GSK3B: variants seen among roughly 807,000 people sequenced by gnomAD.
GSK3B encodes the protein glycogen synthase kinase 3 beta.
GSK3B carries 15 observed loss-of-function variants against 56.4 expected under a neutral mutation model. That is an observed-to-expected ratio of 0.27 (90% CI 0.18 to 0.41). GSK3B has a LOEUF of 0.41. GSK3B is among the 10% of genes least tolerant of loss of function. The pLI, the probability that GSK3B is intolerant of heterozygous loss-of-function variation, is 1.00. For synonymous variants in GSK3B, 181 were observed against 188.9 expected (o/e 0.96, Z 0.34); for missense variants, 300 against 513.4 (o/e 0.58, Z 4.02).
intron 1 of GSK3B, among the ~76,000 whole-genome samples, chr3:120,048,655 TTACTGCTGC>T (rs1281842055): frequency 3.9e-5 from 6 of 152,292 alleles, no homozygotes; most frequent in South Asian, 2.1e-4. Context: ...TAGGTGTTTA[TTACTGCTGC>T]TACTGCTGCT....
intron 1 of GSK3B, among the ~76,000 whole-genome samples, chr3:120,085,231 A>C (rs1218486979): frequency 6.6e-6 from 1 of 152,252 alleles, no homozygotes; most frequent in East Asian, 1.9e-4. Flanking sequence ...TATTATGAGA[A>C]TATGATATAC....
chr3:120,010,161 C>A (rs2057765477), intron 1 of GSK3B, among the ~76,000 whole-genome samples: 1 of 152,152 alleles, frequency 6.6e-6, no homozygotes, highest in South Asian at 2.1e-4. Flanking sequence ...TTCAAACTCT[C>A]CCTTCAAGTC....
chr3:119,938,177 G>C (rs2107482067), intron 3 of GSK3B, among the ~76,000 whole-genome samples: 1 of 152,096 alleles, frequency 6.6e-6, no homozygotes, highest in South Asian at 2.1e-4. Flanking sequence ...GATTTCAGTG[G>C]TAACTTCTGC....
In GSK3B at chr3:119,933,993, C is replaced by T. The variant is rs189325410; in HGVS notation, c.367-10510G>A. 1.3e-4 allele frequency among the ~76,000 whole-genome samples: 20 copies of T among 152,216 alleles called. No individual in the cohort carries two copies. The East Asian group carries it at 3.7e-3, about 28-fold the overall frequency. On this transcript the variant is annotated intron_variant, in intron 3 of 10. Transcript: ENST00000264235. The stretch of plus-strand genomic sequence containing the variant: ...CAATGTGGCCAATAAAATAAATATC[C>T]ACAAATCCACACTGATAGAAATAAA...
chr3:119,984,244 A>G (rs2057492635), intron 2 of GSK3B, among the ~76,000 whole-genome samples: 1 of 152,218 alleles, frequency 6.6e-6, no homozygotes, highest in Non-Finnish European at 1.5e-5. Context: ...AATGGCCACA[A>G]GATAAAGCAG....
At chr3:119,874,344 AGGC>A (rs2056282792) in intron 8 of GSK3B, among the ~76,000 whole-genome samples, 1 of 152,154 alleles carries the variant, frequency 6.6e-6, no homozygotes, top group Non-Finnish European at 1.5e-5. Flanking sequence ...TTCATAAATT[AGGC>A]ACAGTAAGAG....
intron 1 of GSK3B, among the ~76,000 whole-genome samples, chr3:120,013,325 C>CAA (rs1219198136): frequency 6.6e-6 from 1 of 152,168 alleles, no homozygotes; most frequent in African/African-American, 2.4e-5. Context: ...TTAACAAAGG[C>CAA]ATTTAATTTG....
intron 1 of GSK3B, among the ~76,000 whole-genome samples, chr3:120,064,696 A>G (rs1329218389): frequency 2.0e-5 from 3 of 152,186 alleles, no homozygotes; most frequent in Admixed American, 2.0e-4. Context: ...GACCCTGAAT[A>G]CCTAAAGCAA....
chr3:119,995,671 G>T (rs946619503), intron 2 of GSK3B, among the ~76,000 whole-genome samples: 10 of 151,392 alleles, frequency 6.6e-5, no homozygotes, highest in Admixed American at 4.6e-4. Context: ...TGATCCACCC[G>T]CCTCGGCCTC....
intron 1 of GSK3B, among the ~76,000 whole-genome samples, chr3:120,005,198 G>C (rs1484242111): frequency 1.3e-5 from 2 of 151,796 alleles, no homozygotes; most frequent in Non-Finnish European, 2.9e-5. Flanking sequence ...TCAAATTAAT[G>C]AAATAAAGCG....
chr3:120,078,306 C>T (rs1472283625), intron 1 of GSK3B, among the ~76,000 whole-genome samples: 1 of 152,050 alleles, frequency 6.6e-6, no homozygotes, highest in Non-Finnish European at 1.5e-5. Flanking sequence ...TTTCCTACTC[C>T]TAAATAAATA....
At chr3:119,917,373 A>G (rs1424812854) in intron 4 of GSK3B, among the ~76,000 whole-genome samples, 2 of 152,184 alleles carry the variant, frequency 1.3e-5, no homozygotes, top group African/African-American at 4.8e-5. Flanking sequence ...AACTGTACAG[A>G]TAAGATCTTT....
chr3:120,008,330 A>C (rs1000454743), intron 1 of GSK3B, among the ~76,000 whole-genome samples: 3 of 151,538 alleles, frequency 2.0e-5, no homozygotes, highest in Admixed American at 2.0e-4. Flanking sequence ...GCTACCACTG[A>C]CTTTCTTCAC....
intron 9 of GSK3B, among the ~76,000 whole-genome samples, chr3:119,858,068 G>A (rs2056045384): frequency 6.6e-6 from 1 of 152,180 alleles, no homozygotes; most frequent in African/African-American, 2.4e-5. Flanking sequence ...CTGTCATGCA[G>A]ACTTTTTTGT....
chr3:120,081,796 T>C (rs1253817573), intron 1 of GSK3B, among the ~76,000 whole-genome samples: 1 of 152,164 alleles, frequency 6.6e-6, no homozygotes, highest in East Asian at 1.9e-4. Context: ...TATGATCTCC[T>C]ACGGAGAAAC....
chr3:120,036,364 T>C (rs765613208), intron 1 of GSK3B, among the ~76,000 whole-genome samples: 9 of 152,224 alleles, frequency 5.9e-5, no homozygotes, highest in Non-Finnish European at 1.2e-4. Context: ...TAAGAATATT[T>C]ATGTTGTTAA....
chr3:119,825,227 T>C lies in GSK3B; in HGVS notation c.*1561A>G, dbSNP rs1311369811. ...GGTGACTAAAGTTCATTTTAGAGTA[T>C]ATAAGGCCCACATAGATGCCAACCT... On this transcript the variant is annotated 3_prime_UTR_variant, in exon 11 of 11. Transcript: ENST00000264235. 1 of 227,464 alleles carries C rather than the reference T, an allele frequency of 4.4e-6. No individual in the cohort carries two copies. Among genetic ancestry groups the C allele is most frequent in the Non-Finnish European group, 8.7e-6 (1 of 114,512 alleles). 14.1% of individuals were successfully genotyped at this position (227,464 alleles called of 1,614,324 possible).
At position 119,922,407 on chromosome 3, in the gene GSK3B, G is replaced by T. The variant is rs144916394; in HGVS notation, c.477+966C>A. ...ATATAAATATGTAATATACACTATAGTATATATAGTTTATATATTATATAT... is the reference window on the plus strand; with the variant it reads ...ATATAAATATGTAATATACACTATATTATATATAGTTTATATATTATATAT... On this transcript the variant is annotated intron_variant, in intron 4 of 10. Coordinates refer to ENST00000264235, the MANE Select transcript of GSK3B (RefSeq NM_001146156.2). Among the ~76,000 whole-genome samples the T allele has an allele frequency of 5.0e-3, 734 of 147,040 alleles. 3 individuals are homozygous for T. Among genetic ancestry groups the T allele is most frequent in the African/African-American group, 0.017 (689 of 40,392 alleles).
chr3:120,040,061 G>A (rs576865326), intron 1 of GSK3B, among the ~76,000 whole-genome samples: 18 of 152,316 alleles, frequency 1.2e-4, no homozygotes, highest in African/African-American at 2.2e-4. Context: ...CCGGCAGCTC[G>A]GGGAAAGGAG....
Sources: gnomAD v4.1 joint callset for allele counts (sites outside exome capture counted in the v4.1 genomes callset) on GRCh38, gnomAD v4.1.1 for gene constraint, MANE v1.5 for transcripts, NCBI Gene and HGNC (gene_info 2026-07-23, HGNC 2026-07-21) for gene names.